The following SNAP91 variants were observed in gnomAD, a reference collection of about 807,000 sequenced individuals.
The protein encoded by SNAP91 is synaptosome associated protein 91.
A neutral mutation model predicts 100.3 loss-of-function variants in SNAP91; 27 were observed. The observed-to-expected ratio is 0.27, with a 90% confidence interval of 0.20 to 0.37. SNAP91 has a LOEUF of 0.37. Ranked by LOEUF, SNAP91 falls within the 10% of genes least tolerant of loss-of-function variation. The pLI, the probability that SNAP91 is intolerant of heterozygous loss-of-function variation, is 1.00. For synonymous variants in SNAP91, 404 were observed against 398.6 expected (o/e 1.01, Z -0.16); for missense variants, 986 against 1,123.7 (o/e 0.88, Z 1.75).
At chr6:83,614,463 G>A (rs904192650) in intron 11 of SNAP91, among the ~76,000 whole-genome samples, 6 of 152,146 alleles carry the variant, frequency 3.9e-5, no homozygotes, top group African/African-American at 1.4e-4. Flanking sequence ...GTTTTATACT[G>A]TGACCAGAAG....
chr6:83,626,532 T>C (rs2128440181), intron 8 of SNAP91, among the ~76,000 whole-genome samples: 2 of 152,218 alleles, frequency 1.3e-5, no homozygotes, highest in East Asian at 3.9e-4. Flanking sequence ...CTCTGACTTC[T>C]TCCATTGGTG....
intron 9 of SNAP91, among the ~76,000 whole-genome samples, chr6:83,622,226 A>AACTTT (rs2096757785): frequency 3.9e-5 from 6 of 152,098 alleles, no homozygotes; most frequent in African/African-American, 1.2e-4. Context: ...ATACAATGCC[A>AACTTT]TCATGTTCTG....
chr6:83,632,502 C>A (rs968217828), intron 8 of SNAP91, among the ~76,000 whole-genome samples: 2 of 152,152 alleles, frequency 1.3e-5, no homozygotes, highest in African/African-American at 4.8e-5. Context: ...TTTTAGAATT[C>A]TCTTGTTCCT....
chr6:83,678,900 T>C (rs2098947964), intron 2 of SNAP91: 5 of 1,126,818 alleles, frequency 4.4e-6, no homozygotes, highest in African/African-American at 1.7e-5. Context: ...ATCATTTTAC[T>C]TTACTGCAGG....
At chr6:83,584,115 G>C (rs912797550) in intron 22 of SNAP91, among the ~76,000 whole-genome samples, 3 of 152,106 alleles carry the variant, frequency 2.0e-5, no homozygotes, top group African/African-American at 7.2e-5. Context: ...TAGGAAGATT[G>C]GTGGCTGTAT....
chr6:83,572,121 C>A (rs140637972), intron 26 of SNAP91, among the ~76,000 whole-genome samples: 1 of 152,154 alleles, frequency 6.6e-6, no homozygotes, highest in African/African-American at 2.4e-5. Context: ...AGTGTGAAAA[C>A]GGAATAATAC....
At chr6:83,648,301 A>G (rs2098038833) in intron 7 of SNAP91, among the ~76,000 whole-genome samples, 1 of 151,884 alleles carries the variant, frequency 6.6e-6, no homozygotes, top group South Asian at 2.1e-4. Flanking sequence ...ATTCCTTTTT[A>G]TTGTTGAATA....
chr6:83,555,233 A>G (rs1488022050), intron 29 of SNAP91, among the ~76,000 whole-genome samples: 1 of 151,970 alleles, frequency 6.6e-6, no homozygotes, highest in African/African-American at 2.4e-5. Context: ...GAAAAAAAAA[A>G]CAAATCAAGA....
intron 2 of SNAP91, among the ~76,000 whole-genome samples, chr6:83,677,751 CTT>C (rs1354720561): frequency 6.6e-6 from 1 of 152,134 alleles, no homozygotes; most frequent in Non-Finnish European, 1.5e-5. Flanking sequence ...ATTTTATCCT[CTT>C]TTGAGTGTTT....
At chr6:83,580,736 C>G in intron 23 of SNAP91, 137 bp from the exon 24 acceptor site, 1 of 719,610 alleles carries the variant, frequency 1.4e-6, no homozygotes, top group Non-Finnish European at 2.2e-6. Flanking sequence ...GTAATTCACA[C>G]TTTTCATGAC....
intron 26 of SNAP91, among the ~76,000 whole-genome samples, chr6:83,569,370 T>C (rs891949914): frequency 7.2e-5 from 11 of 152,094 alleles, no homozygotes; most frequent in Admixed American, 2.0e-4. Flanking sequence ...AGTTTTGGGG[T>C]TAAAAAAATG....
chr6:83,556,350 A>AGGGAGAGGGAGGGG, intron 28 of SNAP91, 105 bp from the exon 29 acceptor site: 1 of 291,794 alleles, frequency 3.4e-6, no homozygotes, highest in Admixed American at 4.9e-5. Flanking sequence ...GGGGAGAGAG[A>AGGGAGAGGGAGGGG]GAGAGAGAGA....
intron 8 of SNAP91, among the ~76,000 whole-genome samples, chr6:83,632,668 A>G (rs939038719): frequency 2.0e-5 from 3 of 152,130 alleles, no homozygotes; most frequent in Admixed American, 6.5e-5. Context: ...TACATGTTCA[A>G]TTCTATTGCT....
At chr6:83,640,978 C>T (rs1283100533) in intron 8 of SNAP91, 118 bp downstream of exon 8, 4 of 548,316 alleles carry the variant, frequency 7.3e-6, no homozygotes, top group African/African-American at 2.0e-5. Context: ...ACTGTGACTC[C>T]GAGGCACTTC....
intron 9 of SNAP91, among the ~76,000 whole-genome samples, chr6:83,618,975 T>A (rs1379875401): frequency 6.6e-6 from 1 of 151,940 alleles, no homozygotes; most frequent in Non-Finnish European, 1.5e-5. Context: ...TTTCTCCTAT[T>A]AAGTTTCTTA....
chr6:83,600,519 T>C (rs2095062360), intron 16 of SNAP91, among the ~76,000 whole-genome samples: 1 of 152,200 alleles, frequency 6.6e-6, no homozygotes, highest in African/African-American at 2.4e-5. Flanking sequence ...GTGTGGACAT[T>C]GGTACCACAC....
chr6:83,664,841 G>A (rs1009316734), intron 3 of SNAP91, among the ~76,000 whole-genome samples: 3 of 152,094 alleles, frequency 2.0e-5, no homozygotes, highest in African/African-American at 7.2e-5. Context: ...GTAAAAGGAA[G>A]AGTCAATTGA....
At chr6:83,655,387 G>A (rs1376200766) in intron 7 of SNAP91, among the ~76,000 whole-genome samples, 1 of 152,154 alleles carries the variant, frequency 6.6e-6, no homozygotes, top group African/African-American at 2.4e-5. Flanking sequence ...TCTCCAAACT[G>A]ATGCCACGTG....
chr6:83,673,258 G>C (rs1235367049), intron 2 of SNAP91, among the ~76,000 whole-genome samples: 1 of 152,070 alleles, frequency 6.6e-6, no homozygotes, highest in Non-Finnish European at 1.5e-5. Context: ...ATGGTATTAG[G>C]AGAGGAAGAC....
Sources: gnomAD v4.1 joint callset for allele counts (sites outside exome capture counted in the v4.1 genomes callset) on GRCh38, gnomAD v4.1.1 for gene constraint, MANE v1.5 for transcripts, NCBI Gene and HGNC (gene_info 2026-07-23, HGNC 2026-07-21) for gene names.